Variants in SYCP2 observed in about 807,000 individuals in gnomAD.
SYCP2 encodes synaptonemal complex lateral element protein.
SYCP2 carries 55 observed loss-of-function variants against 211.3 expected under a neutral mutation model. That is an observed-to-expected ratio of 0.26 (90% confidence interval 0.21 to 0.33). The LOEUF (loss-of-function observed/expected upper bound fraction) is 0.33. Among genes scored for constraint, SYCP2 ranks in the 10% least tolerant of loss-of-function variants. The probability of loss-of-function intolerance (pLI) is 1.00; values close to 1 mark genes in which losing one functional copy is unlikely to be tolerated. For synonymous variants in SYCP2, 570 were observed against 555.2 expected, an observed-to-expected ratio of 1.03 and a Z score of -0.37; for missense variants, 1,731 against 1,752.0, an observed-to-expected ratio of 0.99 and a Z score of 0.21.
At chr20:59,891,216 C>T (rs752995970) in intron 24 of SYCP2, among the ~76,000 whole-genome samples, 6 of 151,830 alleles carry the variant, frequency 4.0e-5, no homozygotes, top group Non-Finnish European at 5.9e-5. Flanking sequence ...CCTATAAAAC[C>T]TGGATTATTT....
At chr20:59,864,631 T>C (rs546871799) in intron 44 of SYCP2, among the ~76,000 whole-genome samples, 14 of 152,044 alleles carry the variant, frequency 9.2e-5, no homozygotes, top group Non-Finnish European at 1.8e-4. Context: ...TCAGTGAAAT[T>C]TAGATTCAAT....
At chr20:59,865,711 T>C (rs2059318277) in intron 42 of SYCP2, 60 bp from the exon 43 acceptor site, 1 of 1,114,252 alleles carries the variant, frequency 9.0e-7, no homozygotes, top group Non-Finnish European at 1.2e-6. Flanking sequence ...TAGAGTGCTA[T>C]AATATAGTAT....
rs934615631 is a variant in SYCP2 at position 59,889,617 on chromosome 20, G to A, written c.2364+2373C>T. On this transcript the variant is annotated intron_variant, in intron 24 of 44. Coordinates refer to ENST00000357552, the MANE Select transcript of SYCP2 (RefSeq NM_014258.4). Reference sequence around the variant, plus strand: ...ATTTTAACCATTTTTAAGTCCATATGTTCTTATATATAATAGGTACTAAGT... The same window carrying A: ...ATTTTAACCATTTTTAAGTCCATATATTCTTATATATAATAGGTACTAAGT... Among the ~76,000 whole-genome samples, 5 of 151,902 alleles carry A rather than the reference G, an allele frequency of 3.3e-5. No homozygotes were observed. The East Asian group carries it at 7.7e-4, about 23-fold the overall frequency.
At chr20:59,931,443 G>A (rs1454478783) in intron 2 of SYCP2, among the ~76,000 whole-genome samples, 1 of 152,142 alleles carries the variant, frequency 6.6e-6, no homozygotes, top group Admixed American at 6.5e-5. Context: ...TTGATGCAGT[G>A]AAGGTGTATT....
rs139264520 is a variant in SYCP2 at position 59,886,803 on chromosome 20, T to C, written c.2396A>G (p.Asn799Ser). Residue 799 changes from asparagine (N) to serine (S), a missense_variant, in exon 25 of 45, where the codon AAT (asparagine) becomes AGT (serine). Asn to Ser is a conservative substitution (Grantham distance 46, BLOSUM62 1). Coordinates refer to ENST00000357552, the MANE Select transcript of SYCP2 (RefSeq NM_014258.4). ...REKSKGKEFTNVAESLISQIN... is the reference protein window; with the variant it reads ...REKSKGKEFTSVAESLISQIN... Reference sequence around the variant, plus strand: ...TTGGCTTATCAAGGATTCTGCTACATTGGTAAATTCTTTCCCTTTTGACTT... The same window carrying C: ...TTGGCTTATCAAGGATTCTGCTACACTGGTAAATTCTTTCCCTTTTGACTT... 14 of 1,591,856 alleles carry C rather than the reference T, an allele frequency of 8.8e-6. No individual in the cohort carries two copies. The highest frequency in any genetic ancestry group is 1.1e-5 in the Non-Finnish European group (13 of 1,173,008).
chr20:59,930,826 TAAAG>T (rs566114166), intron 2 of SYCP2, among the ~76,000 whole-genome samples: 4 of 152,142 alleles, frequency 2.6e-5, no homozygotes, highest in Non-Finnish European at 5.9e-5. Flanking sequence ...AAGAATTTTT[TAAAG>T]AAAAATACTT....
intron 20 of SYCP2, 99 bp downstream of exon 20, chr20:59,895,337 CA>C: frequency 9.9e-7 from 1 of 1,005,944 alleles, no homozygotes; most frequent in South Asian, 1.8e-5. Flanking sequence ...ATGCTTTAAA[CA>C]AAATGAGACA....
chr20:59,873,142 T>C (rs948067013), intron 35 of SYCP2, among the ~76,000 whole-genome samples: 55 of 152,096 alleles, frequency 3.6e-4, no homozygotes, highest in African/African-American at 1.2e-3. Flanking sequence ...GGAAAGATGA[T>C]TCATTCTTAC....
chr20:59,870,204 TAC>T (rs1479617632), intron 35 of SYCP2, among the ~76,000 whole-genome samples: 9 of 151,898 alleles, frequency 5.9e-5, no homozygotes, highest in South Asian at 2.1e-4. Flanking sequence ...TCCCTGCTAG[TAC>T]AGTTTCTATG....
Position 59,896,464 on chromosome 20 carries a change from T to C in SYCP2, c.1469A>G (p.Tyr490Cys), listed in dbSNP as rs2060009570. ...ASMIVSGADR[Y>C]TMRSPVLFSN... ...GAAAAGCACTGGACTTCTCATAGTG[T>C]ATCTATCTGCACCAGAAACAATCAT... The change falls in exon 19 of 45, where the codon TAC becomes TGC. Residue 490 changes from tyrosine to cysteine, a missense_variant. This residue lies in a region of SYCP2 where 1,387 missense variants were observed against 1,351.3 expected (regional missense o/e 1.03). Transcript: ENST00000357552. 4 of 1,608,746 alleles carry C rather than the reference T, an allele frequency of 2.5e-6. No individual in the cohort carries two copies.
intron 18 of SYCP2, among the ~76,000 whole-genome samples, chr20:59,899,489 A>G (rs2145772758): frequency 6.6e-6 from 1 of 152,318 alleles, no homozygotes; most frequent in South Asian, 2.1e-4. Flanking sequence ...TCTCTAAGAA[A>G]GAAGGCAACA....
At position 59,882,493 on chromosome 20, in the gene SYCP2, C is replaced by A. The variant is rs535642098; in HGVS notation, c.2530-328G>T. 3.3e-5 allele frequency among the ~76,000 whole-genome samples: 5 copies of A among 152,284 alleles called. No individual in the cohort carries two copies. The South Asian group carries it at 1.0e-3, about 32-fold the overall frequency. ...AATCAATATACCAAAGAGGTATCTG[C>A]ACACCCATGGTTACTGCAGCATTAT... On this transcript the variant is annotated intron_variant, in intron 26 of 44. Transcript: ENST00000357552.
At chr20:59,890,005 T>C (rs1306198299) in intron 24 of SYCP2, among the ~76,000 whole-genome samples, 1 of 152,160 alleles carries the variant, frequency 6.6e-6, no homozygotes, top group Admixed American at 6.5e-5. Context: ...TCCTCAAGGA[T>C]CTAGAACCAG....
rs371495536 is a variant in SYCP2 at position 59,886,657 on chromosome 20, A to G, written c.2492+50T>C. 1.2e-4 allele frequency: 160 copies of G among 1,376,762 alleles called. 1 individual carries two copies. Among genetic ancestry groups the G allele is most frequent in the Non-Finnish European group, 1.5e-4 (155 of 1,021,652 alleles). The allele number at this position is 1,376,762 out of a possible 1,614,324, so 85.3% of individuals were successfully genotyped here. On this transcript the variant is annotated intron_variant, in intron 25 of 44. Transcript: ENST00000357552. ...ATTAACCTTTTTAAAATTGTGTAAT[A>G]TAGTTGTATCTGTCAGAAAAATATT...
chr20:59,877,013 G>C (rs571079240), intron 33 of SYCP2, among the ~76,000 whole-genome samples: 1 of 152,300 alleles, frequency 6.6e-6, no homozygotes, highest in South Asian at 2.1e-4. Context: ...GATGGTGACA[G>C]GTGGGCCAGT....
intron 1 of SYCP2, chr20:59,933,283 C>T (rs2060806364): frequency 6.6e-6 from 1 of 151,856 alleles, no homozygotes; most frequent in Admixed American, 6.6e-5. Flanking sequence ...ATTTCCCATC[C>T]CCGAGGCCGA....
chr20:59,866,531 T>C lies in SYCP2; in HGVS notation c.4184A>G (p.His1395Arg), dbSNP rs768020682. 3 of 1,607,618 alleles carry C rather than the reference T, an allele frequency of 1.9e-6. No individual in the cohort carries two copies. Among genetic ancestry groups the C allele is most frequent in the African/African-American group, 1.3e-5 (1 of 74,426 alleles). The stretch of plus-strand genomic sequence containing the variant: ...ACTTTGATGATTCATTGTTCTCAGA[T>C]GTTGCTGAGCTGTTTTCCAAGACTG... Reference protein sequence around the residue: ...TTQSWKTAQQHLRTMNHQSQD... With the variant: ...TTQSWKTAQQRLRTMNHQSQD... The change falls in exon 40 of 45, where the codon CAT (histidine) becomes CGT (arginine). Residue 1395 changes from histidine (H) to arginine (R), a missense_variant. Coordinates refer to ENST00000357552, the MANE Select transcript of SYCP2 (RefSeq NM_014258.4).
Position 59,877,497 on chromosome 20 carries a change from C to G in SYCP2, c.3038G>C (p.Arg1013Thr). ...MDKTIPEGRI[R>T]LPRKATKTKK... is the part of the protein sequence containing the mutation. ...TGTTTTGGTTGCTTTTCGTGGAAGT[C>G]TGATTCTTCCTTCCGGAATTGTCTT... Residue 1013 changes from arginine (R) to threonine (T), a missense_variant, in exon 33 of 45, where the codon AGA (arginine) becomes ACA (threonine). Physicochemically the swap from Arg to Thr is moderately conservative, Grantham distance 71 (BLOSUM62 -1). Transcript: ENST00000357552. 6.2e-7 allele frequency: 1 copy of G among 1,604,584 alleles called. No homozygotes were observed. Among genetic ancestry groups the G allele is most frequent in the Non-Finnish European group, 8.5e-7 (1 of 1,177,746 alleles).
At position 59,873,823 on chromosome 20, in the gene SYCP2, C is replaced by G. The variant is rs1295794691; in HGVS notation, c.3555+33G>C. 2.0e-6 allele frequency: 3 copies of G among 1,523,754 alleles called. No individual in the cohort carries two copies. The East Asian group carries it at 6.8e-5, about 35-fold the overall frequency. 94.4% of individuals were successfully genotyped at this position (1,523,754 alleles called of 1,614,324 possible). A position where few individuals can be genotyped will look rare whatever the true frequency, so the allele number is the denominator to read the frequency against. ...AATAACTTACTACCTTCAGATATAT[C>G]TGATAAAGAGAAAAATATATATACA... On this transcript the variant is annotated intron_variant, in intron 35 of 44. Transcript: ENST00000357552.
Sources: allele counts gnomAD v4.1 joint callset (sites outside exome capture counted in the v4.1 genomes callset), GRCh38; gene constraint gnomAD v4.1.1; regional missense constraint gnomAD v4.1.1; transcripts MANE v1.5; gene names NCBI Gene and HGNC (gene_info 2026-07-23, HGNC 2026-07-21).